ENPP6: variants seen among roughly 807,000 people sequenced by gnomAD.
ENPP6 encodes the protein ectonucleotide pyrophosphatase/phosphodiesterase 6.
Under a neutral mutation model 42.0 loss-of-function variants are expected in ENPP6, and 32 were observed. The observed-to-expected ratio is 0.76, with a 90% CI of 0.58 to 1.02. The LOEUF (loss-of-function observed/expected upper bound fraction) is 1.02, where lower values mean the gene tolerates loss of function less well. ENPP6 is among the 50% of genes least tolerant of loss of function. The pLI, the probability that ENPP6 is intolerant of heterozygous loss-of-function variation, is 0.00. For missense variants in ENPP6, 552 were observed against 566.8 expected, an observed-to-expected ratio of 0.97 and a Z score of 0.27; for synonymous variants, 213 against 216.0, an observed-to-expected ratio of 0.99 and a Z score of 0.12.
Position 184,112,663 on chromosome 4 carries a change from C to A in ENPP6, c.993+9G>T, listed in dbSNP as rs1292171938. The A allele has an allele frequency of 1.1e-5, 17 of 1,609,980 alleles. No individual in the cohort carries two copies. Among genetic ancestry groups the A allele is most frequent in the Non-Finnish European group, 1.4e-5 (16 of 1,178,606 alleles). On this transcript the variant is annotated intron_variant, in intron 6 of 7. Transcript: ENST00000296741. Reference sequence around the variant, plus strand: ...ATAGAGAATAAATTGGCACATATTTCATAATTACCTCAGTTATGAACCAGC... The same window carrying A: ...ATAGAGAATAAATTGGCACATATTTAATAATTACCTCAGTTATGAACCAGC...
At chr4:184,175,952 T>C (rs1212058059) in intron 1 of ENPP6, among the ~76,000 whole-genome samples, 1 of 149,506 alleles carries the variant, frequency 6.7e-6, no homozygotes, top group Non-Finnish European at 1.5e-5. Flanking sequence ...TACAAAATAA[T>C]CCTTTTTTTT....
intron 2 of ENPP6, among the ~76,000 whole-genome samples, chr4:184,144,437 C>G (rs1736884274): frequency 6.6e-6 from 1 of 152,182 alleles, no homozygotes; most frequent in East Asian, 1.9e-4. Context: ...CCCCAAACGG[C>G]AGCCCCGCCA....
chr4:184,149,590 C>T lies in ENPP6; in HGVS notation c.421+3964G>A, dbSNP rs76364036. Among the ~76,000 whole-genome samples, 1,706 of 152,256 alleles carry T rather than the reference C, an allele frequency of 0.011. 84 individuals carry two copies. The East Asian group carries it at 0.15, about 13-fold the overall frequency. ...CCAGGAGAAGAGCCCAGACCCACAC[C>T]CAACACCATTCCAGGAGCATATGAG... On this transcript the variant is annotated intron_variant, in intron 2 of 7. Transcript: ENST00000296741.
chr4:184,122,929 G>T, intron 3 of ENPP6, among the ~76,000 whole-genome samples: 1 of 152,258 alleles, frequency 6.6e-6, no homozygotes. Context: ...TGCTTCACTC[G>T]CACAAAACTA....
At chr4:184,157,976 G>A (rs777598765) in intron 1 of ENPP6, among the ~76,000 whole-genome samples, 1 of 152,024 alleles carries the variant, frequency 6.6e-6, no homozygotes, top group Non-Finnish European at 1.5e-5. Context: ...ATTTCAATCA[G>A]TCTTAATTTT....
intron 1 of ENPP6, among the ~76,000 whole-genome samples, chr4:184,160,133 T>A (rs1436057392): frequency 1.3e-5 from 2 of 152,228 alleles, no homozygotes; most frequent in African/African-American, 4.8e-5. Flanking sequence ...GTGTCTTTTT[T>A]ATATAATGAC....
At chr4:184,114,431 A>C (rs565594844) in intron 5 of ENPP6, among the ~76,000 whole-genome samples, 151 of 152,358 alleles carry the variant, frequency 9.9e-4, no homozygotes, top group South Asian at 8.3e-3. Flanking sequence ...AATGTAGTGG[A>C]TGGTTTCTGA....
intron 2 of ENPP6, among the ~76,000 whole-genome samples, chr4:184,141,060 C>T (rs1183851911): frequency 1.4e-5 from 2 of 147,898 alleles, no homozygotes; most frequent in East Asian, 2.0e-4. Context: ...ACAAACAACC[C>T]GTCAAAAAGT....
At chr4:184,113,801 A>G (rs964033835) in intron 5 of ENPP6, among the ~76,000 whole-genome samples, 13 of 152,144 alleles carry the variant, frequency 8.5e-5, no homozygotes, top group Non-Finnish European at 1.0e-4. Context: ...TCAGCCTCCC[A>G]AAGTGCTAGG....
At chr4:184,202,580 C>T (rs766388834) in intron 1 of ENPP6, among the ~76,000 whole-genome samples, 8 of 152,192 alleles carry the variant, frequency 5.3e-5, no homozygotes, top group Non-Finnish European at 8.8e-5. Flanking sequence ...GACCTGACCA[C>T]GCTCACTTCT....
intron 6 of ENPP6, among the ~76,000 whole-genome samples, chr4:184,104,306 T>G (rs1340227020): frequency 6.6e-6 from 1 of 152,250 alleles, no homozygotes; most frequent in African/African-American, 2.4e-5. Context: ...GCATTTCATA[T>G]CCTTTTCCAG....
At chr4:184,137,106 T>C (rs968523196) in intron 2 of ENPP6, among the ~76,000 whole-genome samples, 1 of 152,224 alleles carries the variant, frequency 6.6e-6, no homozygotes, top group African/African-American at 2.4e-5. Flanking sequence ...GAGTTCTTTT[T>C]GTTTTTCTGA....
At chr4:184,099,452 G>A (rs1392073555) in intron 6 of ENPP6, among the ~76,000 whole-genome samples, 12 of 152,224 alleles carry the variant, frequency 7.9e-5, no homozygotes, top group Admixed American at 7.9e-4. Flanking sequence ...TGTCATGACT[G>A]TGTGCTAAGT....
chr4:184,137,521 C>G (rs1579629363), intron 2 of ENPP6, among the ~76,000 whole-genome samples: 1 of 152,048 alleles, frequency 6.6e-6, no homozygotes, highest in Admixed American at 6.6e-5. Flanking sequence ...TTGTAAATAC[C>G]ACTTAACAGG....
At chr4:184,105,426 C>T (rs1218691655) in intron 6 of ENPP6, among the ~76,000 whole-genome samples, 1 of 152,190 alleles carries the variant, frequency 6.6e-6, no homozygotes, top group Non-Finnish European at 1.5e-5. Context: ...GTTAGAAACA[C>T]ATTGAACATT....
intron 1 of ENPP6, among the ~76,000 whole-genome samples, chr4:184,180,068 T>G (rs1360888316): frequency 6.8e-6 from 1 of 146,302 alleles, no homozygotes; most frequent in Non-Finnish European, 1.5e-5. Flanking sequence ...CTTCAAAAAA[T>G]CAACGAATCC....
chr4:184,184,009 T>C lies in ENPP6; in HGVS notation c.242-30276A>G, dbSNP rs1390495763. On this transcript the variant is annotated intron_variant, in intron 1 of 7. Coordinates refer to ENST00000296741, the MANE Select transcript of ENPP6 (RefSeq NM_153343.4). The surrounding 1 kb of genome is among the most constrained non-coding windows in gnomAD (Gnocchi z 4.7). ...TGGTGCTCAGGGCGATCCTGGAAGTTGGACATGGTGCAGCCTTCATCCGTC... is the reference window on the plus strand; with the variant it reads ...TGGTGCTCAGGGCGATCCTGGAAGTCGGACATGGTGCAGCCTTCATCCGTC... 1.3e-5 allele frequency among the ~76,000 whole-genome samples: 2 copies of C among 152,218 alleles called. No homozygotes were observed. Among genetic ancestry groups the C allele is most frequent in the Non-Finnish European group, 2.9e-5 (2 of 68,038 alleles).
chr4:184,101,741 C>G (rs932988651), intron 6 of ENPP6, among the ~76,000 whole-genome samples: 1 of 152,182 alleles, frequency 6.6e-6, no homozygotes, highest in African/African-American at 2.4e-5. Context: ...ATTTAGGTAA[C>G]ATCTTCACCC....
At chr4:184,095,356 C>T (rs1465091802) in intron 7 of ENPP6, among the ~76,000 whole-genome samples, 1 of 152,028 alleles carries the variant, frequency 6.6e-6, no homozygotes, top group Non-Finnish European at 1.5e-5. Flanking sequence ...TTTGGTTCTG[C>T]TTTAAAATAT....
Sources: allele counts gnomAD v4.1 joint callset (sites outside exome capture counted in the v4.1 genomes callset), GRCh38; gene constraint gnomAD v4.1.1; non-coding constraint Gnocchi (gnomAD v3.1); transcripts MANE v1.5; gene names NCBI Gene and HGNC (gene_info 2026-07-23, HGNC 2026-07-21).